SLC24A4: variants seen among roughly 807,000 people sequenced by gnomAD.
The protein encoded by SLC24A4 is solute carrier family 24 member 4.
SLC24A4 carries 53 observed loss-of-function variants against 79.0 expected under a neutral mutation model. That is an observed-to-expected ratio of 0.67 (90% CI 0.54 to 0.84). SLC24A4 has a LOEUF of 0.84. Among genes scored for constraint, SLC24A4 ranks in the 40% least tolerant of loss-of-function variants. The pLI is 0.00. For missense variants in SLC24A4, 731 were observed against 822.0 expected (o/e 0.89, Z 1.35); for synonymous variants, 323 against 323.8 (o/e 1.00, Z 0.03).
chr14:92,351,529 A>G (rs1886868723), intron 2 of SLC24A4, among the ~76,000 whole-genome samples: 1 of 152,262 alleles, frequency 6.6e-6, no homozygotes, highest in Non-Finnish European at 1.5e-5. Flanking sequence ...CATGCCTATT[A>G]GAGCTATTCT....
intron 13 of SLC24A4, among the ~76,000 whole-genome samples, chr14:92,485,350 A>T (rs1895290682): frequency 6.6e-6 from 1 of 152,186 alleles, no homozygotes; most frequent in African/African-American, 2.4e-5. Flanking sequence ...CTGTAGTTGC[A>T]GCTACTCAGG....
chr14:92,412,377 C>G (rs1402609378), intron 2 of SLC24A4, among the ~76,000 whole-genome samples: 2 of 152,084 alleles, frequency 1.3e-5, no homozygotes, highest in African/African-American at 2.4e-5. Context: ...AAGGGCAGTT[C>G]CCCCCAGGAG....
chr14:92,345,346 G>A (rs933040167), intron 2 of SLC24A4, among the ~76,000 whole-genome samples: 2 of 152,198 alleles, frequency 1.3e-5, no homozygotes, highest in Admixed American at 6.5e-5. Context: ...TTCACTGTCT[G>A]TAGCATGGTG....
intron 2 of SLC24A4, among the ~76,000 whole-genome samples, chr14:92,384,712 A>AGG (rs1407039479): frequency 1.3e-5 from 2 of 152,184 alleles, no homozygotes; most frequent in Non-Finnish European, 2.9e-5. Context: ...TGGAGCTGTC[A>AGG]GGAGGCTGTT....
chr14:92,410,898 G>A (rs1266566539), intron 2 of SLC24A4, among the ~76,000 whole-genome samples: 1 of 152,200 alleles, frequency 6.6e-6, no homozygotes, highest in Non-Finnish European at 1.5e-5. Context: ...TGCAAGTTTG[G>A]TATTGGATTG....
In SLC24A4 at chr14:92,401,741, G is replaced by C. The variant is rs547747548; in HGVS notation, c.242-32171G>C. Among the ~76,000 whole-genome samples, 8 of 152,300 alleles carry C rather than the reference G, an allele frequency of 5.3e-5. No homozygotes were observed. The South Asian group carries it at 1.7e-3, about 32-fold the overall frequency. ...TCTGTCCCCTACATGAGTTGCTGCT[G>C]TTTCCGCAGTGCCCTGAGGTGTGTC... On this transcript the variant is annotated intron_variant, in intron 2 of 16. Transcript: ENST00000532405.
chr14:92,330,229 G>T (rs1016994835), intron 2 of SLC24A4, among the ~76,000 whole-genome samples: 1 of 152,190 alleles, frequency 6.6e-6, no homozygotes, highest in African/African-American at 2.4e-5. Flanking sequence ...TGGACACTTG[G>T]TAGGTGTTCA....
chr14:92,424,018 C>T (rs1026677460), intron 2 of SLC24A4, among the ~76,000 whole-genome samples: 4 of 152,154 alleles, frequency 2.6e-5, no homozygotes, highest in Non-Finnish European at 5.9e-5. Flanking sequence ...TCCTGGCTGC[C>T]AGCACTCCTT....
At chr14:92,352,824 A>T (rs150002681) in intron 2 of SLC24A4, among the ~76,000 whole-genome samples, 23 of 152,304 alleles carry the variant, frequency 1.5e-4, no homozygotes, top group Admixed American at 3.9e-4. Flanking sequence ...GACATTCAGG[A>T]AAGGAATTGA....
chr14:92,324,340 A>G (rs538492870), intron 1 of SLC24A4, among the ~76,000 whole-genome samples: 4 of 152,340 alleles, frequency 2.6e-5, no homozygotes, highest in East Asian at 1.9e-4. Context: ...CCTATTCTGC[A>G]GAGCCGCAGG....
intron 10 of SLC24A4, chr14:92,453,099 G>A (rs7149167): frequency 0.44 from 66,725 of 151,854 alleles, 15,474 homozygotes; most frequent in African/African-American, 0.59. Context: ...AAGGATACCG[G>A]CCCAGTGCAG....
intron 2 of SLC24A4, among the ~76,000 whole-genome samples, chr14:92,326,233 A>T (rs1316410031): frequency 6.6e-6 from 1 of 151,734 alleles, no homozygotes; most frequent in Non-Finnish European, 1.5e-5. Context: ...TTTTGTTCTC[A>T]CAATGTTCCT....
In SLC24A4 at chr14:92,323,175, G is replaced by C. The variant is rs1449973045; in HGVS notation, c.-656G>C. The C allele has an allele frequency of 6.6e-6, 1 of 152,152 alleles. No homozygotes were observed. Among genetic ancestry groups the C allele is most frequent in the African/African-American group, 2.4e-5 (1 of 41,432 alleles). 9.4% of individuals were successfully genotyped at this position (152,152 alleles called of 1,614,324 possible). The stretch of plus-strand genomic sequence containing the variant: ...GCGCCACGGCCTCTCAGACGCTGGC[G>C]CCCGCAGCCGAGAAGCCAGAGAGAA... On this transcript the variant is annotated 5_prime_UTR_variant, in exon 1 of 17. Transcript: ENST00000532405. This position sits in a 1 kb window ranked among gnomAD's most constrained non-coding sequence, Gnocchi z 4.9.
At chr14:92,442,322 T>TAA (rs1440175299) in intron 5 of SLC24A4, 149 bp downstream of exon 5, 2 of 623,466 alleles carry the variant, frequency 3.2e-6, no homozygotes, top group Non-Finnish European at 5.6e-6. Flanking sequence ...GGTGGTTTCT[T>TAA]GGGGCATGTG....
chr14:92,376,120 G>A (rs997249932), intron 2 of SLC24A4, among the ~76,000 whole-genome samples: 20 of 135,508 alleles, frequency 1.5e-4, no homozygotes, highest in African/African-American at 5.8e-4. Context: ...CTGCAAGTGC[G>A]TGTTCCAACG....
In SLC24A4 at chr14:92,371,944, A is replaced by G. The variant is rs534324892; in HGVS notation, c.241+45966A>G. ...GTGCAGCCTCCCATCTTCTCTCCCA[A>G]TGGCCTCTCTCTTGTCTGTGCCATT... is the stretch of plus-strand genomic sequence containing the variant. On this transcript the variant is annotated intron_variant, in intron 2 of 16. Coordinates refer to ENST00000532405, the MANE Select transcript of SLC24A4 (RefSeq NM_153646.4). Among the ~76,000 whole-genome samples, 33 of 148,838 alleles carry G rather than the reference A, an allele frequency of 2.2e-4. No individual in the cohort carries two copies. The South Asian group carries it at 3.3e-3, about 15-fold the overall frequency.
chr14:92,442,579 G>A (rs559638620), intron 5 of SLC24A4, 134 bp from the exon 6 acceptor site: 29 of 635,490 alleles, frequency 4.6e-5, no homozygotes, highest in Non-Finnish European at 8.1e-5. Context: ...CACTGCTTCT[G>A]CCATTCTCTT....
chr14:92,486,654 C>T lies in SLC24A4; in HGVS notation c.1423-12C>T. ...TGGTTGAGAGTTCATGTCTCCACCC[C>T]ACATTCTGCAGGTGACTATTATCGG... On this transcript the variant is annotated splice_polypyrimidine_tract_variant and intron_variant, in intron 13 of 16. Coordinates refer to ENST00000532405, the MANE Select transcript of SLC24A4 (RefSeq NM_153646.4). 1 of 1,575,862 alleles carries T rather than the reference C, an allele frequency of 6.3e-7. No homozygotes were observed. The highest frequency in any genetic ancestry group is 1.1e-5 in the South Asian group (1 of 90,258).
chr14:92,457,153 A>G (rs1041772001), intron 12 of SLC24A4: 7 of 159,542 alleles, frequency 4.4e-5, no homozygotes, highest in Non-Finnish European at 9.8e-5. Flanking sequence ...GGGTCCTCCC[A>G]TCTCACTTGG....
Sources: allele counts gnomAD v4.1 joint callset (sites outside exome capture counted in the v4.1 genomes callset), GRCh38; gene constraint gnomAD v4.1.1; non-coding constraint Gnocchi (gnomAD v3.1); transcripts MANE v1.5; gene names NCBI Gene and HGNC (gene_info 2026-07-23, HGNC 2026-07-21).